AFG2A: variants seen among roughly 807,000 people sequenced by gnomAD.
AFG2A encodes the protein ATPase family gene 2 protein homolog A.
At chr4:122,999,525 A>G in the AFG2A span, among the ~76,000 whole-genome samples, 6,186 of 152,190 alleles carry the variant, frequency 0.041, 400 homozygotes, top group African/African-American at 0.14. Context: ...CTTTCTACAT[A>G]TGGCTAGCCA....
chr4:122,982,186 T>C, the AFG2A span, among the ~76,000 whole-genome samples: 1 of 152,144 alleles, frequency 6.6e-6, no homozygotes, highest in Non-Finnish European at 1.5e-5. Context: ...GTCTAATGTA[T>C]TGAGAGTTTT....
At chr4:122,978,145 A>C in the AFG2A span, among the ~76,000 whole-genome samples, 1 of 150,210 alleles carries the variant, frequency 6.7e-6, no homozygotes, top group Non-Finnish European at 1.5e-5. Context: ...GAGGAGACCC[A>C]GAGTGAGTAG....
the AFG2A span, among the ~76,000 whole-genome samples, chr4:123,010,431 A>G: frequency 1.3e-5 from 2 of 152,106 alleles, no homozygotes; most frequent in East Asian, 3.8e-4. Flanking sequence ...AAGCTCCACA[A>G]TGTAGAGACC....
At chr4:123,101,862 A>G in the AFG2A span, among the ~76,000 whole-genome samples, 1 of 151,946 alleles carries the variant, frequency 6.6e-6, no homozygotes, top group Non-Finnish European at 1.5e-5. Context: ...GTGTGATAGG[A>G]AAGCTCAAAA....
chr4:123,135,723 T>C, the AFG2A span, among the ~76,000 whole-genome samples: 1 of 152,196 alleles, frequency 6.6e-6, no homozygotes, highest in Non-Finnish European at 1.5e-5. Context: ...GGGATAGGCA[T>C]AGGTTATATG....
the AFG2A span, among the ~76,000 whole-genome samples, chr4:122,969,593 G>T: frequency 6.6e-6 from 1 of 152,130 alleles, no homozygotes; most frequent in East Asian, 1.9e-4. Context: ...TAAAATCAAT[G>T]TGTCGGGTTC....
chr4:123,259,159 G>A, the AFG2A span, among the ~76,000 whole-genome samples: 2 of 152,290 alleles, frequency 1.3e-5, no homozygotes, highest in South Asian at 2.1e-4. Flanking sequence ...GAGCCTCTGT[G>A]CCCACCACTG....
the AFG2A span, among the ~76,000 whole-genome samples, chr4:123,209,236 C>T: frequency 6.6e-6 from 1 of 152,110 alleles, no homozygotes; most frequent in Non-Finnish European, 1.5e-5. Flanking sequence ...TGTCGGGTGT[C>T]AGTCTCCTGG....
At chr4:123,183,935 T>C in the AFG2A span, among the ~76,000 whole-genome samples, 1 of 133,314 alleles carries the variant, frequency 7.5e-6, no homozygotes, top group African/African-American at 2.9e-5. Flanking sequence ...TGCTTATTTA[T>C]TCATTCATTC....
At chr4:123,172,050 G>A in the AFG2A span, among the ~76,000 whole-genome samples, 3 of 151,948 alleles carry the variant, frequency 2.0e-5, no homozygotes, top group African/African-American at 7.3e-5. Context: ...TCCTTTCAGA[G>A]TGTATCGTTC....
At chr4:122,985,598 CTT>C in the AFG2A span, among the ~76,000 whole-genome samples, 1 of 151,934 alleles carries the variant, frequency 6.6e-6, no homozygotes, top group African/African-American at 2.4e-5. Context: ...CTTGAATGAT[CTT>C]TTGTATTTCA....
At chr4:123,043,212 A>C in the AFG2A span, among the ~76,000 whole-genome samples, 1 of 152,116 alleles carries the variant, frequency 6.6e-6, no homozygotes, top group Non-Finnish European at 1.5e-5. Context: ...ATTGTTTCTG[A>C]TAAGAAGTCA....
At chr4:123,232,937 C>G in the AFG2A span, among the ~76,000 whole-genome samples, 1 of 152,074 alleles carries the variant, frequency 6.6e-6, no homozygotes, top group Non-Finnish European at 1.5e-5. Flanking sequence ...GCAGTTCCTA[C>G]AGGGAATCTT....
the AFG2A span, among the ~76,000 whole-genome samples, chr4:122,946,547 C>T: frequency 6.6e-6 from 1 of 151,734 alleles, no homozygotes; most frequent in Non-Finnish European, 1.5e-5. Flanking sequence ...AAATTGCATT[C>T]CAGTTATGCT....
the AFG2A span, among the ~76,000 whole-genome samples, chr4:123,075,783 C>T: frequency 2.0e-5 from 3 of 151,122 alleles, no homozygotes; most frequent in Admixed American, 6.6e-5. Flanking sequence ...CATGGAGAAA[C>T]CCCATCTCTA....
chr4:123,218,927 T>C, the AFG2A span, among the ~76,000 whole-genome samples: 1 of 152,192 alleles, frequency 6.6e-6, no homozygotes, highest in Non-Finnish European at 1.5e-5. Flanking sequence ...CAAAAGTGAA[T>C]TAACCACTGT....
At chr4:122,936,349 A>G in the AFG2A span, among the ~76,000 whole-genome samples, 5 of 152,374 alleles carry the variant, frequency 3.3e-5, no homozygotes, top group East Asian at 7.7e-4. Context: ...ATTAAATTAC[A>G]TAAAGTAGAA....
the AFG2A span, among the ~76,000 whole-genome samples, chr4:123,029,070 A>AC: frequency 6.6e-6 from 1 of 152,226 alleles, no homozygotes; most frequent in Non-Finnish European, 1.5e-5. Flanking sequence ...AAATAGATTA[A>AC]CTATCAATTC....
chr4:122,923,105 C>T, the AFG2A span: 9 of 1,611,020 alleles, frequency 5.6e-6, no homozygotes, highest in Admixed American at 1.7e-5. Flanking sequence ...CACATTGAGT[C>T]GGCTTTTCTA....
Sources: gnomAD v4.1 joint callset for allele counts (sites outside exome capture counted in the v4.1 genomes callset) on GRCh38, gnomAD v4.1.1 for gene constraint, MANE v1.5 for transcripts, NCBI Gene and HGNC (gene_info 2026-07-23, HGNC 2026-07-21) for gene names.